The following CHST9 variants were observed in gnomAD, a reference collection of about 807,000 sequenced individuals.
CHST9 encodes carbohydrate sulfotransferase 9.
CHST9 carries 41 observed loss-of-function variants against 44.4 expected under a neutral mutation model. The ratio of observed to expected loss-of-function variants is 0.92; its 90% confidence interval spans 0.72 to 1.20. CHST9 has a LOEUF of 1.20. Among genes scored for constraint, CHST9 ranks in the 50% most tolerant of loss-of-function variants. The pLI, the probability that CHST9 is intolerant of heterozygous loss-of-function variation, is 0.00. For missense variants in CHST9, 504 were observed against 516.5 expected, an observed-to-expected ratio of 0.98 and a Z score of 0.23; for synonymous variants, 171 against 178.4, an observed-to-expected ratio of 0.96 and a Z score of 0.33.
rs571182924 is a variant in CHST9 at position 27,078,656 on chromosome 18, G to A, written c.122-30153C>T. Among the ~76,000 whole-genome samples, 20 of 152,260 alleles carry A rather than the reference G, an allele frequency of 1.3e-4. No individual in the cohort carries two copies. In the South Asian group the frequency reaches 4.1e-3, roughly 32 times the overall value. ...TCAGAGATGGGACTCAAGCTGTCCA[G>A]ATGGCCCCAGAGCAGAGTCTTCTTG... On this transcript the variant is annotated intron_variant, in intron 2 of 5. Transcript: ENST00000618847.
intron 4 of CHST9, among the ~76,000 whole-genome samples, chr18:26,975,670 A>ATATAT (rs2056609930): frequency 2.0e-4 from 11 of 54,308 alleles, no homozygotes; most frequent in South Asian, 6.6e-4. Context: ...TATATATATA[A>ATATAT]ATATATGTAT....
chr18:27,073,128 G>T (rs998440922), intron 2 of CHST9, among the ~76,000 whole-genome samples: 2 of 152,144 alleles, frequency 1.3e-5, no homozygotes, highest in African/African-American at 4.8e-5. Flanking sequence ...TATGTAGCTG[G>T]ATGAAGAAGC....
At chr18:27,106,144 A>G (rs538648828) in intron 2 of CHST9, among the ~76,000 whole-genome samples, 1 of 152,326 alleles carries the variant, frequency 6.6e-6, no homozygotes, top group South Asian at 2.1e-4. Context: ...ATAAACAGCC[A>G]GGAAACTCAG....
intron 1 of CHST9, among the ~76,000 whole-genome samples, chr18:27,155,945 G>C (rs2058695503): frequency 6.6e-6 from 1 of 151,872 alleles, no homozygotes; most frequent in Non-Finnish European, 1.5e-5. Flanking sequence ...GATTCTTTTA[G>C]CTCACATGAA....
chr18:27,015,882 T>C (rs2057147716), intron 4 of CHST9, among the ~76,000 whole-genome samples: 1 of 152,210 alleles, frequency 6.6e-6, no homozygotes, highest in South Asian at 2.1e-4. Flanking sequence ...AAGTCCTGGA[T>C]ATAATTTCAA....
intron 2 of CHST9, among the ~76,000 whole-genome samples, chr18:27,079,251 A>G (rs952994312): frequency 6.6e-5 from 10 of 152,308 alleles, no homozygotes; most frequent in African/African-American, 2.4e-4. Context: ...ACTCTAAATT[A>G]TGGAGCTAGT....
At chr18:26,943,362 G>A (rs148465899) in intron 5 of CHST9, among the ~76,000 whole-genome samples, 1 of 152,310 alleles carries the variant, frequency 6.6e-6, no homozygotes, top group Admixed American at 6.5e-5. Flanking sequence ...CACAGATTGG[G>A]TAAAACTAGA....
In CHST9 at chr18:27,101,384, G is replaced by T. The variant is rs570797598; in HGVS notation, c.121+41305C>A. Among the ~76,000 whole-genome samples the T allele has an allele frequency of 4.0e-5, 6 of 151,642 alleles. No homozygotes were observed. In the South Asian group the frequency reaches 8.3e-4, roughly 21 times the overall value. On this transcript the variant is annotated intron_variant, in intron 2 of 5. Transcript: ENST00000618847. ...AGGCGGGTGGATCACGAGGTCAGGAGATCAAGACCATACTGGCTAACACGG... is the reference window on the plus strand; with the variant it reads ...AGGCGGGTGGATCACGAGGTCAGGATATCAAGACCATACTGGCTAACACGG...
chr18:26,919,185 C>T (rs959065343), intron 5 of CHST9, among the ~76,000 whole-genome samples: 19 of 152,188 alleles, frequency 1.2e-4, no homozygotes, highest in Non-Finnish European at 1.2e-4. Flanking sequence ...ATAGGAGCTA[C>T]AATTCAAGAT....
At chr18:27,174,798 C>A (rs1200128721) in intron 1 of CHST9, among the ~76,000 whole-genome samples, 1 of 152,028 alleles carries the variant, frequency 6.6e-6, no homozygotes. Context: ...TAATCCATTA[C>A]ATACATTATT....
chr18:27,166,118 T>G (rs1394011715), intron 1 of CHST9, among the ~76,000 whole-genome samples: 4 of 152,170 alleles, frequency 2.6e-5, no homozygotes, highest in African/African-American at 9.7e-5. Context: ...TTCTCTTCTC[T>G]GCTTCGTCCT....
chr18:27,136,459 C>T (rs1408233726), intron 2 of CHST9, among the ~76,000 whole-genome samples: 2 of 152,210 alleles, frequency 1.3e-5, no homozygotes, highest in Non-Finnish European at 2.9e-5. Context: ...CTTCTCTTAG[C>T]ATGACTCTAC....
intron 2 of CHST9, among the ~76,000 whole-genome samples, chr18:27,091,771 C>T (rs1008998670): frequency 2.0e-5 from 3 of 152,090 alleles, no homozygotes; most frequent in Admixed American, 6.5e-5. Context: ...TATGTTGAAC[C>T]AGCTTTGCAT....
chr18:26,912,816 G>A lies in CHST9; in HGVS notation c.*3443C>T, dbSNP rs2145035821. ...CTGTATAATGATCATGATTGAGATT[G>A]AGAAGGTATGAGCCTAAATGTAGGA... is the stretch of plus-strand genomic sequence containing the variant. On this transcript the variant is annotated 3_prime_UTR_variant, in exon 6 of 6. Transcript: ENST00000618847. 6.6e-6 allele frequency: 1 copy of A among 152,364 alleles called. No homozygotes were observed. The highest frequency in any genetic ancestry group is 2.1e-4 in the South Asian group (1 of 4,832). The allele number at this position is 152,364 out of a possible 1,614,324, so 9.4% of individuals were successfully genotyped here.
intron 2 of CHST9, among the ~76,000 whole-genome samples, chr18:27,087,637 C>T (rs1198169795): frequency 2.6e-5 from 4 of 152,170 alleles, no homozygotes; most frequent in South Asian, 2.1e-4. Flanking sequence ...TTCATACATA[C>T]TTGCCTCTGA....
chr18:27,121,876 T>C (rs190493549), intron 2 of CHST9, among the ~76,000 whole-genome samples: 1 of 152,330 alleles, frequency 6.6e-6, no homozygotes, highest in East Asian at 1.9e-4. Flanking sequence ...ATTAATGTAT[T>C]TATTAGTTTA....
At position 27,137,992 on chromosome 18, in the gene CHST9, A is replaced by G. The variant is rs932588909; in HGVS notation, c.121+4697T>C. 7.2e-5 allele frequency among the ~76,000 whole-genome samples: 11 copies of G among 152,054 alleles called. 1 individual carries two copies. The highest frequency in any genetic ancestry group is 6.2e-4 in the South Asian group (3 of 4,806). ...TCCTCTGGTCCTCTGGGTCCTCTGC[A>G]CGCTTTCACCTGCCCAGCCTCCACT... On this transcript the variant is annotated intron_variant, in intron 2 of 5. Coordinates refer to ENST00000618847, the MANE Select transcript of CHST9 (RefSeq NM_031422.6).
Position 27,004,222 on chromosome 18 carries a change from G to A in CHST9, c.202+19894C>T, listed in dbSNP as rs1388417409. 6.6e-5 allele frequency among the ~76,000 whole-genome samples: 10 copies of A among 152,106 alleles called. No homozygotes were observed. The East Asian group carries it at 1.9e-3, about 29-fold the overall frequency. ...AGCAAATTACTGCGAGCAACAGAGG[G>A]AAGGAGAATTTCCTCAGGCGAGGAT... On this transcript the variant is annotated intron_variant, in intron 4 of 5. Coordinates refer to ENST00000618847, the MANE Select transcript of CHST9 (RefSeq NM_031422.6).
intron 2 of CHST9, among the ~76,000 whole-genome samples, chr18:27,141,661 T>G (rs975350695): frequency 1.3e-5 from 2 of 150,408 alleles, no homozygotes; most frequent in Admixed American, 6.6e-5. Context: ...TGGAAACAAT[T>G]TTAAAAATAA....
Sources: allele counts gnomAD v4.1 joint callset (sites outside exome capture counted in the v4.1 genomes callset), GRCh38; gene constraint gnomAD v4.1.1; transcripts MANE v1.5; gene names NCBI Gene and HGNC (gene_info 2026-07-23, HGNC 2026-07-21).